Variants in GALNT13 observed in about 807,000 individuals in gnomAD.
GALNT13 encodes the protein polypeptide N-acetylgalactosaminyltransferase 13, also known as UDP-GalNAc:polypeptide N-acetylgalactosaminyltransferase 13.
A neutral mutation model predicts 64.2 loss-of-function variants in GALNT13; 28 were observed. That is an observed-to-expected ratio of 0.44 (90% CI 0.32 to 0.60). The LOEUF is 0.60. GALNT13 is among the 20% of genes least tolerant of loss of function. The pLI is 0.05. For synonymous variants in GALNT13, 214 were observed against 224.6 expected, an observed-to-expected ratio of 0.95 and a Z score of 0.42; for missense variants, 577 against 669.8, an observed-to-expected ratio of 0.86 and a Z score of 1.53.
chr2:153,566,428 C>T, the GALNT13 span, among the ~76,000 whole-genome samples: 1 of 136,132 alleles, frequency 7.3e-6, no homozygotes, highest in African/African-American at 2.8e-5. Context: ...GATCTCAGCT[C>T]ACTGCAAGCT....
intron 9 of GALNT13, among the ~76,000 whole-genome samples, chr2:154,374,008 C>T (rs1697841063): frequency 6.6e-6 from 1 of 152,180 alleles, no homozygotes; most frequent in African/African-American, 2.4e-5. Flanking sequence ...TGAGTGCCTC[C>T]TTCAGACTTG....
the GALNT13 span, among the ~76,000 whole-genome samples, chr2:153,503,455 AT>A: frequency 6.6e-6 from 1 of 151,704 alleles, no homozygotes; most frequent in African/African-American, 2.4e-5. Context: ...TAATTAATTT[AT>A]TTGAGACAAC....
At chr2:153,327,090 TA>T in the GALNT13 span, among the ~76,000 whole-genome samples, 35 of 146,958 alleles carry the variant, frequency 2.4e-4, no homozygotes, top group East Asian at 1.7e-3. Flanking sequence ...TCTCAAAAAA[TA>T]AAAAAAAAAA....
intron 9 of GALNT13, among the ~76,000 whole-genome samples, chr2:154,363,838 AC>A (rs930369034): frequency 6.6e-6 from 1 of 152,218 alleles, no homozygotes; most frequent in Non-Finnish European, 1.5e-5. Flanking sequence ...TATCCCATCT[AC>A]AAAAAGAATC....
chr2:153,147,509 G>A, the GALNT13 span, among the ~76,000 whole-genome samples: 98 of 150,374 alleles, frequency 6.5e-4, no homozygotes, highest in South Asian at 4.0e-3. Flanking sequence ...TTGTCACCTC[G>A]CATTCTCTTC....
At chr2:154,090,592 C>A (rs1280825080) in intron 3 of GALNT13, among the ~76,000 whole-genome samples, 2 of 152,024 alleles carry the variant, frequency 1.3e-5, no homozygotes, top group African/African-American at 4.8e-5. Context: ...ACCTCTGTGA[C>A]TGAGCTTCTA....
At chr2:153,896,924 T>C (rs1687930916) in intron 1 of GALNT13, among the ~76,000 whole-genome samples, 1 of 152,196 alleles carries the variant, frequency 6.6e-6, no homozygotes, top group Non-Finnish European at 1.5e-5. Flanking sequence ...GTACAGAAAA[T>C]TTATAAGAAT....
chr2:153,955,999 G>A (rs753985320), intron 3 of GALNT13, among the ~76,000 whole-genome samples: 1 of 152,164 alleles, frequency 6.6e-6, no homozygotes. Flanking sequence ...GGCAAAAAAG[G>A]TGGGCTACAA....
the GALNT13 span, among the ~76,000 whole-genome samples, chr2:153,585,028 C>T: frequency 6.6e-6 from 1 of 152,138 alleles, no homozygotes; most frequent in Admixed American, 6.6e-5. Context: ...AGACATATGA[C>T]ACCCTCAAAT....
the GALNT13 span, among the ~76,000 whole-genome samples, chr2:153,379,417 T>C: frequency 1.3e-5 from 2 of 152,118 alleles, no homozygotes; most frequent in African/African-American, 4.8e-5. Flanking sequence ...AATGTAGAGA[T>C]TGGGCAATTA....
the GALNT13 span, among the ~76,000 whole-genome samples, chr2:153,779,285 G>A: frequency 6.6e-6 from 1 of 152,074 alleles, no homozygotes; most frequent in African/African-American, 2.4e-5. Context: ...AGAGATGCTA[G>A]TAAGTAATTA....
At chr2:153,843,332 G>A in the GALNT13 span, among the ~76,000 whole-genome samples, 18 of 152,274 alleles carry the variant, frequency 1.2e-4, no homozygotes, top group African/African-American at 3.9e-4. Context: ...GGTGGAGAGT[G>A]CCACACACTT....
the GALNT13 span, among the ~76,000 whole-genome samples, chr2:153,785,484 A>T: frequency 6.6e-6 from 1 of 152,194 alleles, no homozygotes; most frequent in Non-Finnish European, 1.5e-5. Flanking sequence ...AGTGAACTGC[A>T]GCAGCCCTAA....
intron 3 of GALNT13, among the ~76,000 whole-genome samples, chr2:153,961,337 G>A (rs537580615): frequency 6.6e-6 from 1 of 152,164 alleles, no homozygotes; most frequent in Non-Finnish European, 1.5e-5. Flanking sequence ...ATCAATAGAT[G>A]CTATCTGTCC....
chr2:153,712,424 T>C, the GALNT13 span, among the ~76,000 whole-genome samples: 4 of 152,122 alleles, frequency 2.6e-5, no homozygotes, highest in African/African-American at 7.2e-5. Flanking sequence ...CTTATCAACA[T>C]TGGAGAGTCA....
chr2:153,446,555 C>T, the GALNT13 span, among the ~76,000 whole-genome samples: 1 of 152,208 alleles, frequency 6.6e-6, no homozygotes. Flanking sequence ...AGCAGCAGCT[C>T]TGAACTTCAG....
chr2:154,398,019 C>A (rs992238874), intron 10 of GALNT13, among the ~76,000 whole-genome samples: 1 of 152,154 alleles, frequency 6.6e-6, no homozygotes, highest in Non-Finnish European at 1.5e-5. Flanking sequence ...AGAAAATATA[C>A]TACAGTGCTT....
intron 2 of GALNT13, among the ~76,000 whole-genome samples, chr2:153,924,670 C>T (rs1031922334): frequency 3.3e-5 from 5 of 152,178 alleles, no homozygotes; most frequent in African/African-American, 1.2e-4. Flanking sequence ...AATTTATACT[C>T]TCACCAACAG....
the GALNT13 span, among the ~76,000 whole-genome samples, chr2:153,573,092 A>G: frequency 6.6e-6 from 1 of 151,888 alleles, no homozygotes; most frequent in African/African-American, 2.4e-5. Flanking sequence ...TTAAGCTCTG[A>G]TAATGTATGC....
Sources: gnomAD v4.1 joint callset for allele counts (sites outside exome capture counted in the v4.1 genomes callset) on GRCh38, gnomAD v4.1.1 for gene constraint, MANE v1.5 for transcripts, NCBI Gene and HGNC (gene_info 2026-07-23, HGNC 2026-07-21) for gene names.